Variants in TECRL observed in about 807,000 individuals in gnomAD.
The protein encoded by TECRL is trans-2,3-enoyl-CoA reductase like.
In TECRL, 63 loss-of-function variants were observed where a neutral mutation model predicts 52.8. The ratio of observed to expected loss-of-function variants is 1.19; its 90% CI spans 0.97 to 1.47. The LOEUF is 1.47. Ranked by LOEUF, TECRL falls within the 40% of genes most tolerant of loss-of-function variation. The pLI, the probability that TECRL is intolerant of heterozygous loss-of-function variation, is 0.00. For synonymous variants in TECRL, 164 were observed against 141.9 expected (o/e 1.16, Z -1.10); for missense variants, 482 against 429.6 (o/e 1.12, Z -1.08).
At chr4:64,301,295 A>G (rs756629499) in intron 7 of TECRL, among the ~76,000 whole-genome samples, 8 of 151,060 alleles carry the variant, frequency 5.3e-5, no homozygotes, top group Non-Finnish European at 1.2e-4. Flanking sequence ...TGATATAACA[A>G]TTTTGTAACT....
chr4:64,353,394 A>G (rs891840920), intron 2 of TECRL, among the ~76,000 whole-genome samples: 2 of 152,186 alleles, frequency 1.3e-5, no homozygotes, highest in Non-Finnish European at 2.9e-5. Context: ...GGAGACTATT[A>G]TAGGTATACA....
intron 2 of TECRL, among the ~76,000 whole-genome samples, chr4:64,329,298 C>T (rs1718469285): frequency 6.6e-6 from 1 of 151,830 alleles, no homozygotes; most frequent in South Asian, 2.1e-4. Context: ...AAATTTACCA[C>T]ACGTATAATA....
At chr4:64,377,473 A>G (rs558103900) in intron 1 of TECRL, among the ~76,000 whole-genome samples, 1 of 152,180 alleles carries the variant, frequency 6.6e-6, no homozygotes, top group East Asian at 1.9e-4. Context: ...AACATCTTAA[A>G]AAGGATAAAC....
chr4:64,365,201 T>A (rs1306796496), intron 2 of TECRL, among the ~76,000 whole-genome samples: 1 of 46,066 alleles, frequency 2.2e-5, no homozygotes. Context: ...TCAGTATTGC[T>A]TCATGTTAAA....
intron 1 of TECRL, among the ~76,000 whole-genome samples, chr4:64,377,794 T>C (rs77885369): frequency 0.01 from 1,546 of 152,252 alleles, 20 homozygotes; most frequent in African/African-American, 0.034. Context: ...ATGCATTTAC[T>C]ACAGTTTTTC....
chr4:64,352,112 G>C (rs577399847), intron 2 of TECRL, among the ~76,000 whole-genome samples: 1 of 152,200 alleles, frequency 6.6e-6, no homozygotes, highest in South Asian at 2.1e-4. Context: ...TTGATGAATG[G>C]TGTTAGAAGC....
At chr4:64,409,455 T>G, upstream of TECRL, 1 of 1,491,676 alleles carries the variant, frequency 6.7e-7, no homozygotes, top group African/African-American at 1.4e-5. Flanking sequence ...AAAGGTCAAA[T>G]GGTATGCCAT....
At chr4:64,329,108 G>A (rs983968106) in intron 2 of TECRL, among the ~76,000 whole-genome samples, 1 of 151,892 alleles carries the variant, frequency 6.6e-6, no homozygotes, top group African/African-American at 2.4e-5. Flanking sequence ...TAGGAATAAA[G>A]AGAGCACTAA....
At chr4:64,395,592 C>A (rs1472548802) in intron 1 of TECRL, among the ~76,000 whole-genome samples, 1 of 152,090 alleles carries the variant, frequency 6.6e-6, no homozygotes, top group African/African-American at 2.4e-5. Flanking sequence ...CAAACAAAAC[C>A]ATAAAAAGGG....
intron 9 of TECRL, among the ~76,000 whole-genome samples, chr4:64,288,062 C>T (rs1466682911): frequency 6.6e-6 from 1 of 151,890 alleles, no homozygotes; most frequent in African/African-American, 2.4e-5. Context: ...AGGAGAATCG[C>T]TTGAAACCGC....
intron 2 of TECRL, among the ~76,000 whole-genome samples, chr4:64,369,874 A>G (rs73230486): frequency 0.015 from 2,283 of 152,012 alleles, 70 homozygotes; most frequent in African/African-American, 0.052. Context: ...GTAGAGTAGG[A>G]CATGTAGTGA....
chr4:64,397,603 A>T (rs1017077420), intron 1 of TECRL: 3 of 151,784 alleles, frequency 2.0e-5, no homozygotes, highest in African/African-American at 7.3e-5. Context: ...GCTGGCCCTG[A>T]TTAGGTACTG....
At position 64,314,440 on chromosome 4, in the gene TECRL, A is replaced by G. The variant is rs111674437; in HGVS notation, c.551+208T>C. The stretch of plus-strand genomic sequence containing the variant: ...TTTTAAGGTATACCTAATAGTTCTT[A>G]GTTTACAAATTTGGAAGCTGGTGTA... On this transcript the variant is annotated intron_variant, in intron 5 of 11. Coordinates refer to ENST00000381210, the MANE Select transcript of TECRL (RefSeq NM_001010874.5). Among the ~76,000 whole-genome samples the G allele has an allele frequency of 0.011, 1,744 of 152,262 alleles. 46 individuals are homozygous for G. Among genetic ancestry groups the G allele is most frequent in the African/African-American group, 0.04 (1,659 of 41,540 alleles).
chr4:64,360,986 T>C (rs1168951524), intron 2 of TECRL, among the ~76,000 whole-genome samples: 1 of 152,122 alleles, frequency 6.6e-6, no homozygotes, highest in Non-Finnish European at 1.5e-5. Flanking sequence ...CATACTCCAC[T>C]AGGTGGCTTT....
chr4:64,376,427 A>G (rs1722401042), intron 1 of TECRL, among the ~76,000 whole-genome samples: 1 of 151,976 alleles, frequency 6.6e-6, no homozygotes, highest in Non-Finnish European at 1.5e-5. Flanking sequence ...TCTCTGAAAG[A>G]TGTTAGAAAA....
chr4:64,357,667 G>A (rs1720865108), intron 2 of TECRL, among the ~76,000 whole-genome samples: 1 of 151,276 alleles, frequency 6.6e-6, no homozygotes, highest in African/African-American at 2.4e-5. Context: ...ATAAATTATA[G>A]ATACTCAGAT....
chr4:64,319,957 T>C (rs1208331481), intron 4 of TECRL, among the ~76,000 whole-genome samples: 1 of 151,898 alleles, frequency 6.6e-6, no homozygotes, highest in Admixed American at 6.6e-5. Context: ...TGTATGTAAG[T>C]ATGCAAAGAT....
chr4:64,323,551 T>G (rs1470564134), intron 3 of TECRL, among the ~76,000 whole-genome samples: 3 of 152,168 alleles, frequency 2.0e-5, no homozygotes, highest in African/African-American at 7.2e-5. Context: ...AATTTATCTT[T>G]TTAAAATATA....
chr4:64,406,531 AT>A (rs1374076360), intron 1 of TECRL, among the ~76,000 whole-genome samples: 8 of 151,602 alleles, frequency 5.3e-5, no homozygotes, highest in African/African-American at 1.9e-4. Context: ...ATTATTAAAA[AT>A]AAAATAATAA....
Sources: gnomAD v4.1 joint callset for allele counts (sites outside exome capture counted in the v4.1 genomes callset) on GRCh38, gnomAD v4.1.1 for gene constraint, MANE v1.5 for transcripts, NCBI Gene and HGNC (gene_info 2026-07-23, HGNC 2026-07-21) for gene names.